Variants in DSCAM observed in about 807,000 individuals in gnomAD.
DSCAM encodes the protein DS cell adhesion molecule, also known as cell adhesion molecule DSCAM.
DSCAM carries 47 observed loss-of-function variants against 217.7 expected under a neutral mutation model. The observed-to-expected ratio is 0.22, with a 90% confidence interval of 0.17 to 0.28. DSCAM has a LOEUF of 0.28. DSCAM is among the 10% of genes least tolerant of loss of function. DSCAM has a pLI of 1.00. For missense variants in DSCAM, 2,080 were observed against 2,618.3 expected (o/e 0.79, Z 4.49); for synonymous variants, 1,056 against 1,015.3 (o/e 1.04, Z -0.76).
chr21:40,249,589 GAAGGGTGA>G (rs2146957954), intron 11 of DSCAM, among the ~76,000 whole-genome samples: 1 of 152,312 alleles, frequency 6.6e-6, no homozygotes, highest in East Asian at 1.9e-4. Context: ...TGGGAATTGT[GAAGGGTGA>G]ACAAACACGA....
intron 1 of DSCAM, among the ~76,000 whole-genome samples, chr21:40,746,584 T>A (rs2091177085): frequency 6.6e-6 from 1 of 151,896 alleles, no homozygotes; most frequent in African/African-American, 2.4e-5. Flanking sequence ...TTAATAGATC[T>A]GAAAGGTCTG....
At chr21:40,795,588 C>T (rs2091684532) in intron 1 of DSCAM, among the ~76,000 whole-genome samples, 1 of 152,192 alleles carries the variant, frequency 6.6e-6, no homozygotes, top group South Asian at 2.1e-4. Flanking sequence ...TTATATGAAT[C>T]TTTGCTCCTC....
chr21:40,537,488 C>T (rs11700436), intron 3 of DSCAM, among the ~76,000 whole-genome samples: 19,688 of 151,778 alleles, frequency 0.13, 2,791 homozygotes, highest in African/African-American at 0.35. Context: ...AATTATATTC[C>T]CCACCCCCAC....
intron 1 of DSCAM, among the ~76,000 whole-genome samples, chr21:40,845,508 CTCTCT>C (rs2092136431): frequency 6.6e-6 from 1 of 150,504 alleles, no homozygotes; most frequent in Non-Finnish European, 1.5e-5. Context: ...GCCAGATTTC[CTCTCT>C]TCTCTTCTTT....
chr21:40,586,224 G>A (rs942299529), intron 3 of DSCAM, among the ~76,000 whole-genome samples: 2 of 152,268 alleles, frequency 1.3e-5, no homozygotes, highest in African/African-American at 4.8e-5. Context: ...CTTCCACTGT[G>A]AACAGAAGCA....
chr21:40,740,522 T>C lies in DSCAM; in HGVS notation c.44-31751A>G, dbSNP rs552048745. Among the ~76,000 whole-genome samples, 110 of 152,356 alleles carry C rather than the reference T, an allele frequency of 7.2e-4. No homozygotes were observed. In the South Asian group the frequency reaches 0.021, roughly 29 times the overall value. On this transcript the variant is annotated intron_variant, in intron 1 of 32. Transcript: ENST00000400454. The stretch of plus-strand genomic sequence containing the variant: ...ACTTCCATGGAGCATCAAGCCTTAT[T>C]TACATTTGAGTGCAAATTACTTTAA...
chr21:40,622,825 T>G (rs58463360), intron 3 of DSCAM, among the ~76,000 whole-genome samples: 1 of 151,400 alleles, frequency 6.6e-6, no homozygotes, highest in Non-Finnish European at 1.5e-5. Context: ...AGGAAATACC[T>G]GTTTAGAGTT....
chr21:40,038,817 C>A (rs2088682992), intron 32 of DSCAM, among the ~76,000 whole-genome samples: 1 of 151,210 alleles, frequency 6.6e-6, no homozygotes, highest in Non-Finnish European at 1.5e-5. Flanking sequence ...CACATATACA[C>A]CATGGAACAC....
intron 3 of DSCAM, among the ~76,000 whole-genome samples, chr21:40,462,389 G>C (rs961724776): frequency 1.3e-5 from 2 of 152,202 alleles, no homozygotes; most frequent in African/African-American, 2.4e-5. Context: ...ACTCTGGTTT[G>C]ACAAGTCCTC....
chr21:40,612,562 G>GT (rs1453691601), intron 3 of DSCAM, among the ~76,000 whole-genome samples: 2 of 152,188 alleles, frequency 1.3e-5, no homozygotes, highest in African/African-American at 4.8e-5. Flanking sequence ...CCCAGCAGAG[G>GT]TCCTAGGCAT....
chr21:40,692,859 C>T lies in DSCAM; in HGVS notation c.459G>A (p.Ala153=), dbSNP rs79669041. The change falls in exon 3 of 33, where the codon GCG becomes GCA. Residue 153 remains alanine (A), a synonymous_variant. Transcript: ENST00000400454. ...FKCIIPSSVE[A]YITVVSWEKD... ...TCTCCCATGAGACGACAGTGATGTA[C>T]GCCTCCACCGAGGAGGGGATAATGC... is the stretch of plus-strand genomic sequence containing the variant. 16,630 of 1,613,904 alleles carry T rather than the reference C, an allele frequency of 0.01. 119 individuals carry two copies. The highest frequency in any genetic ancestry group is 0.012 in the Non-Finnish European group (14,716 of 1,179,880).
chr21:40,022,980 T>C (rs1387409426), intron 32 of DSCAM, among the ~76,000 whole-genome samples: 1 of 151,912 alleles, frequency 6.6e-6, no homozygotes, highest in Non-Finnish European at 1.5e-5. Context: ...CATTAACTAG[T>C]CATCTAGCAT....
chr21:40,399,541 A>G (rs2075214763), intron 3 of DSCAM, among the ~76,000 whole-genome samples: 3 of 152,222 alleles, frequency 2.0e-5, no homozygotes. Flanking sequence ...TCAGAAAGAT[A>G]TTTGAGATAA....
chr21:40,212,277 A>T (rs2091193158), intron 11 of DSCAM: 1 of 154,340 alleles, frequency 6.5e-6, no homozygotes, highest in Non-Finnish European at 1.5e-5. Context: ...CAATTCTGCA[A>T]CTTTTTTTAT....
At chr21:40,738,657 G>T (rs1345020597) in intron 1 of DSCAM, among the ~76,000 whole-genome samples, 1 of 152,162 alleles carries the variant, frequency 6.6e-6, no homozygotes, top group Non-Finnish European at 1.5e-5. Context: ...AAGACAGATT[G>T]CGGGGCCCCA....
At chr21:40,168,926 A>C (rs1335988110) in intron 15 of DSCAM, among the ~76,000 whole-genome samples, 4 of 152,176 alleles carry the variant, frequency 2.6e-5, no homozygotes, top group Non-Finnish European at 5.9e-5. Context: ...ATAATGGGCC[A>C]ATGGAATTTG....
chr21:40,814,508 T>C (rs1179975753), intron 1 of DSCAM, among the ~76,000 whole-genome samples: 1 of 152,228 alleles, frequency 6.6e-6, no homozygotes, highest in African/African-American at 2.4e-5. Context: ...CTAATAGCTA[T>C]TTTAAATGCT....
At chr21:40,229,270 T>A (rs1160906393) in intron 11 of DSCAM, among the ~76,000 whole-genome samples, 2 of 152,262 alleles carry the variant, frequency 1.3e-5, no homozygotes, top group African/African-American at 4.8e-5. Context: ...GTTATTTAAC[T>A]CATTTGTAAT....
intron 3 of DSCAM, among the ~76,000 whole-genome samples, chr21:40,464,131 C>T (rs1407642934): frequency 6.6e-6 from 1 of 152,158 alleles, no homozygotes; most frequent in Non-Finnish European, 1.5e-5. Flanking sequence ...TTTCTATCTC[C>T]CAAGTCTCTC....
Sources: gnomAD v4.1 joint callset for allele counts (sites outside exome capture counted in the v4.1 genomes callset) on GRCh38, gnomAD v4.1.1 for gene constraint, MANE v1.5 for transcripts, NCBI Gene and HGNC (gene_info 2026-07-23, HGNC 2026-07-21) for gene names.